Variants in KIF26B observed in about 807,000 individuals in gnomAD.
The protein encoded by KIF26B is kinesin-like protein KIF26B.
A neutral mutation model predicts 151.2 loss-of-function variants in KIF26B; 63 were observed. That is an observed-to-expected ratio of 0.42 (90% CI 0.34 to 0.51). The LOEUF is 0.51. KIF26B is among the 20% of genes least tolerant of loss of function. KIF26B has a pLI of 0.07. For missense variants in KIF26B, 2,813 were observed against 2,913.6 expected (o/e 0.97, Z 0.79); for synonymous variants, 1,357 against 1,262.1 (o/e 1.08, Z -1.59).
intron 9 of KIF26B, chr1:245,614,725 G>A (rs1044086239): frequency 3.3e-5 from 5 of 152,310 alleles, no homozygotes; most frequent in Admixed American, 2.6e-4. Context: ...GCCCATGATG[G>A]TGAGCAAAGT....
At chr1:245,183,506 G>A (rs1372837352) in intron 2 of KIF26B, among the ~76,000 whole-genome samples, 4 of 152,112 alleles carry the variant, frequency 2.6e-5, no homozygotes, top group Non-Finnish European at 5.9e-5. Context: ...GACTCATTCA[G>A]GTTTCAAGAA....
chr1:245,498,172 G>A (rs1660549679), intron 4 of KIF26B, among the ~76,000 whole-genome samples: 1 of 152,122 alleles, frequency 6.6e-6, no homozygotes, highest in Non-Finnish European at 1.5e-5. Context: ...TCTGGGAGCA[G>A]GACGAGGTAA....
intron 2 of KIF26B, among the ~76,000 whole-genome samples, chr1:245,306,345 C>A (rs775524910): frequency 2.1e-4 from 32 of 152,252 alleles, no homozygotes; most frequent in Non-Finnish European, 3.8e-4. Context: ...TCTGTAGATA[C>A]AGTATGTAGA....
rs562029764 is a variant in KIF26B, at chr1:245,367,419, G to A, written c.999+52G>A. The A allele has an allele frequency of 2.0e-6, 3 of 1,484,384 alleles. No homozygotes were observed. The highest frequency in any genetic ancestry group is 4.9e-5 in the East Asian group (2 of 40,792). The allele number at this position is 1,484,384 out of a possible 1,614,324, so 92.0% of individuals were successfully genotyped here. A position where few individuals can be genotyped will look rare whatever the true frequency, so the allele number is the denominator to read the frequency against. ...AGCAGGGCTGGCTGGAGTCAAAGCG[G>A]AGAAGTAGGCAGCACTTCCTTCCGC... On this transcript the variant is annotated intron_variant, in intron 3 of 14. Coordinates refer to ENST00000407071, the MANE Select transcript of KIF26B (RefSeq NM_018012.4). The surrounding 1 kb of genome is among the most constrained non-coding windows in gnomAD (Gnocchi z 4.2).
At chr1:245,642,985 A>C (rs1350674701) in intron 9 of KIF26B, among the ~76,000 whole-genome samples, 1 of 152,184 alleles carries the variant, frequency 6.6e-6, no homozygotes, top group Non-Finnish European at 1.5e-5. Flanking sequence ...TGCGGGTCTT[A>C]GCACAAATGG....
In KIF26B at chr1:245,667,978, T is replaced by C. The variant is rs774153757; in HGVS notation, c.2259-16255T>C. The stretch of plus-strand genomic sequence containing the variant: ...TGGCGCAATCTCAGCTCACTGCAAC[T>C]TCCACCTCCCAGGTTCAAGCGATTC... On this transcript the variant is annotated intron_variant, in intron 10 of 14. Transcript: ENST00000407071. This position sits in a 1 kb window ranked among gnomAD's most constrained non-coding sequence, Gnocchi z 4.3. 3.9e-5 allele frequency among the ~76,000 whole-genome samples: 6 copies of C among 152,088 alleles called. No individual in the cohort carries two copies. Among genetic ancestry groups the C allele is most frequent in the Non-Finnish European group, 7.4e-5 (5 of 68,004 alleles).
chr1:245,505,751 T>C (rs2103081350), intron 4 of KIF26B, among the ~76,000 whole-genome samples: 1 of 152,332 alleles, frequency 6.6e-6, no homozygotes, highest in South Asian at 2.1e-4. Context: ...GTCTGAACAA[T>C]GTGGATTTTA....
chr1:245,265,699 C>T (rs748194549), intron 2 of KIF26B, among the ~76,000 whole-genome samples: 2 of 151,820 alleles, frequency 1.3e-5, no homozygotes, highest in Non-Finnish European at 2.9e-5. Context: ...ATCGTCCTCC[C>T]AAGTGATCCT....
At chr1:245,192,056 A>T (rs1325420025) in intron 2 of KIF26B, among the ~76,000 whole-genome samples, 3 of 152,158 alleles carry the variant, frequency 2.0e-5, no homozygotes, top group Non-Finnish European at 4.4e-5. Context: ...TCTTAAGGGG[A>T]TAATCCTAAC....
chr1:245,191,206 T>C (rs1471243278), intron 2 of KIF26B, among the ~76,000 whole-genome samples: 2 of 150,972 alleles, frequency 1.3e-5, no homozygotes, highest in African/African-American at 2.4e-5. Flanking sequence ...CCTCCCAACA[T>C]TGAAAAGAGT....
chr1:245,556,299 CCCT>C lies in KIF26B; in HGVS notation c.1350+15362_1350+15364del, dbSNP rs1193904040. Reference sequence around the variant, plus strand: ...CTTCTTCTTCTTCCTCCTCCTTCCTCCCTCCTCCTCCTCCTTCTTCTTCTTCCT... The same window carrying C: ...CTTCTTCTTCTTCCTCCTCCTTCCTCCCTCCTCCTCCTTCTTCTTCTTCCT... On this transcript the variant is annotated intron_variant, in intron 5 of 14. Transcript: ENST00000407071. 5.9e-4 allele frequency among the ~76,000 whole-genome samples: 86 copies of C among 146,566 alleles called. No individual in the cohort carries two copies. The East Asian group carries it at 0.011, about 19-fold the overall frequency.
At position 245,687,595 on chromosome 1, in the gene KIF26B, C is replaced by T; in HGVS notation, c.4612C>T (p.Pro1538Ser). The T allele has an allele frequency of 6.4e-7, 1 of 1,564,258 alleles. No individual in the cohort carries two copies. The highest frequency in any genetic ancestry group is 8.7e-7 in the Non-Finnish European group (1 of 1,154,698). The change falls in exon 12 of 15, where the codon CCC becomes TCC. Residue 1538 changes from proline (P) to serine (S), a missense_variant. This residue lies in a region of KIF26B where 2,060 missense variants were observed against 2,088.6 expected (regional missense o/e 0.99). Coordinates refer to ENST00000407071, the MANE Select transcript of KIF26B (RefSeq NM_018012.4). This position sits in a 1 kb window ranked among gnomAD's most constrained non-coding sequence, Gnocchi z 4.9. ...CAAAAGCGTCAAGTCCAGCAGCCTT[C>T]CCAGGGCCTTTCAGAAGGCCAGCCG... ...PNKSVKSSSLPRAFQKASRQE... is the reference protein window; with the variant it reads ...PNKSVKSSSLSRAFQKASRQE...
chr1:245,279,920 G>A (rs1161717534), intron 2 of KIF26B, among the ~76,000 whole-genome samples: 1 of 151,962 alleles, frequency 6.6e-6, no homozygotes, highest in Non-Finnish European at 1.5e-5. Flanking sequence ...TGATTTGGCT[G>A]CTATGTAAGC....
intron 4 of KIF26B, among the ~76,000 whole-genome samples, chr1:245,503,594 A>T (rs901613324): frequency 2.0e-5 from 3 of 152,226 alleles, no homozygotes; most frequent in Non-Finnish European, 4.4e-5. Flanking sequence ...TTTGAGAGGG[A>T]TAAAAAACCT....
chr1:245,527,305 G>A (rs1661257351), intron 4 of KIF26B, among the ~76,000 whole-genome samples: 3 of 152,060 alleles, frequency 2.0e-5, no homozygotes, highest in Non-Finnish European at 4.4e-5. Context: ...CTTCTCAGCC[G>A]AAAAATCAGG....
intron 3 of KIF26B, among the ~76,000 whole-genome samples, chr1:245,373,277 A>G (rs1295541603): frequency 6.6e-6 from 1 of 152,218 alleles, no homozygotes; most frequent in Non-Finnish European, 1.5e-5. Flanking sequence ...AAAGAATTCC[A>G]GGCCAAAGAC....
At chr1:245,692,651 C>A (rs2044641727) in intron 12 of KIF26B, among the ~76,000 whole-genome samples, 1 of 152,156 alleles carries the variant, frequency 6.6e-6, no homozygotes, top group Non-Finnish European at 1.5e-5. Flanking sequence ...CACAGTCACA[C>A]CTGGAACATC....
chr1:245,335,501 G>A (rs750016125), intron 2 of KIF26B, among the ~76,000 whole-genome samples: 32 of 152,192 alleles, frequency 2.1e-4, no homozygotes, highest in Non-Finnish European at 7.3e-5. Flanking sequence ...GAGGAAGCTT[G>A]GGAAGGAGTC....
At chr1:245,626,635 T>C (rs1453733630) in intron 9 of KIF26B, among the ~76,000 whole-genome samples, 3 of 152,218 alleles carry the variant, frequency 2.0e-5, no homozygotes, top group African/African-American at 4.8e-5. Flanking sequence ...ATTAATTCCT[T>C]GTTGAATGAA....
Sources: gnomAD v4.1 joint callset for allele counts (sites outside exome capture counted in the v4.1 genomes callset) on GRCh38, gnomAD v4.1.1 for gene constraint, gnomAD v4.1.1 regional missense constraint, Gnocchi (gnomAD v3.1) non-coding constraint, MANE v1.5 for transcripts, NCBI Gene and HGNC (gene_info 2026-07-23, HGNC 2026-07-21) for gene names.